The following ACTN3 variants were observed in gnomAD, a reference collection of about 807,000 sequenced individuals.
ACTN3 encodes alpha-actinin-3.
Under a neutral mutation model 119.6 loss-of-function variants are expected in ACTN3, and 91 were observed. The ratio of observed to expected loss-of-function variants is 0.76; its 90% CI spans 0.64 to 0.91. ACTN3 has a LOEUF of 0.91. Among genes scored for constraint, ACTN3 ranks in the 40% least tolerant of loss-of-function variants. The pLI, the probability that ACTN3 is intolerant of heterozygous loss-of-function variation, is 0.00. For synonymous variants in ACTN3, 456 were observed against 478.8 expected, an observed-to-expected ratio of 0.95 and a Z score of 0.62; for missense variants, 1,221 against 1,215.1, an observed-to-expected ratio of 1.00 and a Z score of -0.07.
chr11:66,549,732 CAAAAAAAAAAA>C (rs61393902), intron 1 of ACTN3, among the ~76,000 whole-genome samples: 6 of 43,028 alleles, frequency 1.4e-4, no homozygotes, highest in African/African-American at 4.0e-4. Flanking sequence ...ACTCTGTCTC[CAAAAAAAAAAA>C]AAAAAAAAAA....
chr11:66,558,102 C>G lies in ACTN3; in HGVS notation c.1204C>G (p.Arg402Gly), dbSNP rs746507012. Residue 402 changes from arginine (R) to glycine (G), a missense_variant, in exon 11 of 21, where the codon CGC (arginine) becomes GGC (glycine). By Grantham distance (125) the Arg-to-Gly change is moderately radical. Coordinates refer to ENST00000513398, the MANE Select transcript of ACTN3 (RefSeq NM_001104.4). ...GGACTGGCTGCTCTCGGAGATCCGG[C>G]GCCTGCAGCGACTCCAGCACCTGGC... ...YEDWLLSEIR[R>G]LQRLQHLAEK... 6.2e-7 allele frequency: 1 copy of G among 1,613,814 alleles called. No homozygotes were observed. Among genetic ancestry groups the G allele is most frequent in the Non-Finnish European group, 8.5e-7 (1 of 1,179,880 alleles).
Position 66,563,293 on chromosome 11 carries a change from C to G in ACTN3, c.*100C>G, listed in dbSNP as rs1857843263. 7.1e-7 allele frequency: 1 copy of G among 1,398,660 alleles called. No individual in the cohort carries two copies. Among genetic ancestry groups the G allele is most frequent in the Admixed American group, 2.5e-5 (1 of 40,008 alleles). 86.6% of individuals were successfully genotyped at this position (1,398,660 alleles called of 1,614,324 possible). ...GCAAGGGCCTAAGAGAAAAGCCAGC[C>G]AAGTGCTTCTGAATAAAGATCCCTC... On this transcript the variant is annotated 3_prime_UTR_variant, in exon 21 of 21. Coordinates refer to ENST00000513398, the MANE Select transcript of ACTN3 (RefSeq NM_001104.4).
chr11:66,546,896 C>A, upstream of ACTN3: 6 of 1,520,418 alleles, frequency 3.9e-6, no homozygotes, highest in Non-Finnish European at 4.4e-6. Flanking sequence ...CCCGGGTGTC[C>A]GAGAGCGTGC....
Position 66,562,884 on chromosome 11 carries a change from C to T in ACTN3, c.2477C>T (p.Thr826Ile). 1.9e-6 allele frequency: 3 copies of T among 1,613,836 alleles called. No homozygotes were observed. The highest frequency in any genetic ancestry group is 2.5e-6 in the Non-Finnish European group (3 of 1,179,830). The change falls in exon 20 of 21, where the codon ACC (threonine) becomes ATC (isoleucine). Residue 826 changes from threonine to isoleucine, a missense_variant. Thr to Ile is a moderately conservative substitution (Grantham distance 89, BLOSUM62 -1). Transcript: ENST00000513398. ...TTCCAGGCCTTCATAGACTTCATGA[C>T]CCGAGAGACAGCCGAGACTGACACG... ...VTFQAFIDFM[T>I]RETAETDTTE... is the part of the protein sequence containing the mutation.
intron 12 of ACTN3, 80 bp from the exon 13 acceptor site, chr11:66,559,888 A>T (rs1857703309): frequency 1.2e-5 from 17 of 1,386,382 alleles, no homozygotes; most frequent in Non-Finnish European, 1.6e-5. Context: ...CCATCCGGGG[A>T]GCAGGTTCCA....
chr11:66,560,396 G>T lies in ACTN3; in HGVS notation c.1677+85G>T, dbSNP rs1052058744. ...CCACCCACAACTTTAGGCTCCTGGG[G>T]CATAGGGATGGGAGGAAAACCCCAG... On this transcript the variant is annotated intron_variant, in intron 14 of 20. Transcript: ENST00000513398. The T allele has an allele frequency of 8.5e-6, 13 of 1,520,524 alleles. No homozygotes were observed. In the Admixed American group the frequency reaches 2.7e-4, roughly 32 times the overall value. 94.2% of individuals were successfully genotyped at this position (1,520,524 alleles called of 1,614,324 possible).
rs1565303718 is a variant in ACTN3, at chr11:66,551,595, C to A, written c.330C>A (p.Ala110=). ...RFHKIANVNK[A]LDFIASKGVK... ...ACAAAATCGCCAACGTTAACAAGGC[C>A]CTGGACTTCATTGCCAGCAAGGGGG... Residue 110 remains alanine (A), a synonymous_variant, in exon 3 of 21, where the codon GCC becomes GCA. Coordinates refer to ENST00000513398, the MANE Select transcript of ACTN3 (RefSeq NM_001104.4). 6.2e-7 allele frequency: 1 copy of A among 1,614,046 alleles called. No individual in the cohort carries two copies. The highest frequency in any genetic ancestry group is 8.5e-7 in the Non-Finnish European group (1 of 1,180,036).
At position 66,560,221 on chromosome 11, in the gene ACTN3, C is replaced by T; in HGVS notation, c.1587C>T (p.Ala529=). The part of the protein sequence containing the change: ...ETIDRLQLEF[A]RRAAPFNNWL... ...TTGACCGGCTGCAACTGGAGTTTGC[C>T]CGGCGGGCCGCGCCCTTCAACAACT... Residue 529 remains alanine, a synonymous_variant, in exon 14 of 21, where the codon GCC becomes GCT. Coordinates refer to ENST00000513398, the MANE Select transcript of ACTN3 (RefSeq NM_001104.4). 1 of 1,611,762 alleles carries T rather than the reference C, an allele frequency of 6.2e-7. No homozygotes were observed. Among genetic ancestry groups the T allele is most frequent in the East Asian group, 2.2e-5 (1 of 44,790 alleles).
chr11:66,554,997 C>T (rs919317975), intron 5 of ACTN3, 133 bp from the exon 6 acceptor site: 20 of 787,902 alleles, frequency 2.5e-5, no homozygotes, highest in Admixed American at 1.3e-4. Context: ...GGGCCTCAAA[C>T]GCCAAGCTAA....
In ACTN3 at chr11:66,561,640, G is replaced by C; in HGVS notation, c.2175+3G>C. The C allele has an allele frequency of 6.2e-7, 1 of 1,610,130 alleles. No homozygotes were observed. Among genetic ancestry groups the C allele is most frequent in the Non-Finnish European group, 8.5e-7 (1 of 1,178,358 alleles). ...AGCACACCGTCTACAGCATGGAGGTGGGATCACACCCTCTCAGGAGAGTGG... is the reference window on the plus strand; with the variant it reads ...AGCACACCGTCTACAGCATGGAGGTCGGATCACACCCTCTCAGGAGAGTGG... On this transcript the variant is annotated splice_donor_region_variant and intron_variant, in intron 17 of 20. Transcript: ENST00000513398.
chr11:66,557,425 A>G (rs1021352658), intron 9 of ACTN3, among the ~76,000 whole-genome samples, 200 bp downstream of exon 9: 4 of 152,180 alleles, frequency 2.6e-5, no homozygotes, highest in Non-Finnish European at 5.9e-5. Flanking sequence ...TTCACTCATC[A>G]TTCATCCATT....
intron 1 of ACTN3, among the ~76,000 whole-genome samples, chr11:66,547,977 A>C (rs544777521): frequency 3.9e-5 from 6 of 152,290 alleles, no homozygotes; most frequent in African/African-American, 1.4e-4. Flanking sequence ...GATCCAGGCC[A>C]GAGGGAGAAT....
chr11:66,559,864 G>A (rs1471814180), intron 12 of ACTN3, 104 bp from the exon 13 acceptor site: 36 of 1,144,098 alleles, frequency 3.1e-5, no homozygotes, highest in Non-Finnish European at 4.2e-5. Flanking sequence ...CCTGGCTCCC[G>A]CACGCCTTCA....
Position 66,552,438 on chromosome 11 carries a change from T to G in ACTN3, c.382+791T>G, listed in dbSNP as rs373583366. ...CTCAGCCCCCAAACCCTAGTAAGAG[T>G]TTAGTGAAATAATTGCTAAATAACA... is the stretch of plus-strand genomic sequence containing the variant. On this transcript the variant is annotated intron_variant, in intron 3 of 20. Coordinates refer to ENST00000513398, the MANE Select transcript of ACTN3 (RefSeq NM_001104.4). Among the ~76,000 whole-genome samples the G allele has an allele frequency of 6.1e-4, 92 of 151,014 alleles. 1 individual carries two copies. Among genetic ancestry groups the G allele is most frequent in the African/African-American group, 2.2e-3 (90 of 41,164 alleles).
At chr11:66,560,899 G>A (rs547812270) in intron 15 of ACTN3, 144 bp downstream of exon 15, 12 of 915,560 alleles carry the variant, frequency 1.3e-5, no homozygotes, top group Middle Eastern at 3.5e-4. Context: ...TGGATAAATC[G>A]CCTTGCCTGT....
chr11:66,558,172 G>A lies in ACTN3; in HGVS notation c.1274G>A (p.Arg425Gln), dbSNP rs777539846. The change falls in exon 11 of 21, where the codon CGG (arginine) becomes CAG (glutamine). Residue 425 changes from arginine to glutamine, a missense_variant and splice_region_variant. Physicochemically the swap from Arg to Gln is conservative, Grantham distance 43. Transcript: ENST00000513398. Reference protein sequence around the residue: ...QKASLHEAWTRGKEEMLSQRD... With the variant: ...QKASLHEAWTQGKEEMLSQRD... ...GCCTCCCTGCACGAAGCCTGGACCC[G>A]GGGTAGGTAGACCTACCTCATGGGG... The A allele has an allele frequency of 2.1e-5, 34 of 1,612,540 alleles. No individual in the cohort carries two copies. Among genetic ancestry groups the A allele is most frequent in the East Asian group, 1.1e-4 (5 of 44,888 alleles).
intron 3 of ACTN3, among the ~76,000 whole-genome samples, 194 bp from the exon 4 acceptor site, chr11:66,553,851 C>T (rs80019849): frequency 8.7e-6 from 1 of 114,834 alleles, no homozygotes; most frequent in Admixed American, 9.5e-5. Flanking sequence ...GAGACTCCAT[C>T]TCAAAAAAAA....
intron 5 of ACTN3, 126 bp from the exon 6 acceptor site, chr11:66,555,004 C>A: frequency 1.2e-6 from 1 of 834,498 alleles, no homozygotes; most frequent in Non-Finnish European, 2.0e-6. Flanking sequence ...AAACGCCAAG[C>A]TAAGGGATTT....
chr11:66,557,339 T>C, intron 9 of ACTN3, 114 bp downstream of exon 9: 1 of 1,026,098 alleles, frequency 9.7e-7, no homozygotes, highest in Non-Finnish European at 1.4e-6. Context: ...TAGCCCTGGC[T>C]TCCTCCCAGC....
Sources: gnomAD v4.1 joint callset for allele counts (sites outside exome capture counted in the v4.1 genomes callset) on GRCh38, gnomAD v4.1.1 for gene constraint, MANE v1.5 for transcripts, NCBI Gene and HGNC (gene_info 2026-07-23, HGNC 2026-07-21) for gene names.